The following DDX4 variants were observed in gnomAD, a reference collection of about 807,000 sequenced individuals.
DDX4 encodes the protein DEAD-box helicase 4.
Under a neutral mutation model 100.0 loss-of-function variants are expected in DDX4, and 25 were observed. That is an observed-to-expected ratio of 0.25 (90% CI 0.18 to 0.35). DDX4 has a LOEUF of 0.35. DDX4 is among the 10% of genes least tolerant of loss of function. The pLI, the probability that DDX4 is intolerant of heterozygous loss-of-function variation, is 1.00. For missense variants in DDX4, 635 were observed against 882.4 expected, an observed-to-expected ratio of 0.72 and a Z score of 3.55; for synonymous variants, 259 against 275.7, an observed-to-expected ratio of 0.94 and a Z score of 0.60.
intron 18 of DDX4, among the ~76,000 whole-genome samples, chr5:55,813,080 G>T (rs143012132): frequency 6.6e-6 from 1 of 151,848 alleles, no homozygotes; most frequent in Non-Finnish European, 1.5e-5. Context: ...AATTTCTACC[G>T]GTTAAATATT....
intron 3 of DDX4, among the ~76,000 whole-genome samples, chr5:55,750,991 A>G (rs1759517271): frequency 6.6e-6 from 1 of 152,116 alleles, no homozygotes; most frequent in Admixed American, 6.5e-5. Context: ...ATGTTCATTT[A>G]TGGGCCAGAG....
Position 55,786,561 on chromosome 5 carries a change from T to C in DDX4, c.908T>C (p.Ile303Thr), listed in dbSNP as rs756714199. 11 of 1,613,142 alleles carry C rather than the reference T, an allele frequency of 6.8e-6. No homozygotes were observed. The East Asian group carries it at 2.2e-4, about 33-fold the overall frequency. ...CTCTGTCAGACACTGAATAACAACA[T>C]TGCTAAAGCTGGTTATACTAAGCTT... is the stretch of plus-strand genomic sequence containing the variant. The part of the protein sequence containing the change: ...ANLCQTLNNN[I>T]AKAGYTKLTP... Residue 303 changes from isoleucine (I) to threonine (T), a missense_variant, in exon 14 of 22, where the codon ATT becomes ACT. Physicochemically the swap from Ile to Thr is moderately conservative, Grantham distance 89 (BLOSUM62 -1). Around this residue, in one of 4 missense-constraint regions of DDX4, gnomAD observed 446 missense variants for 540.8 expected, o/e 0.82. Transcript: ENST00000505374.
intron 21 of DDX4, 97 bp from the exon 22 acceptor site, chr5:55,816,366 T>A: frequency 6.7e-7 from 1 of 1,484,074 alleles, no homozygotes; most frequent in South Asian, 1.4e-5. Context: ...GTAGATACTT[T>A]GAGTCCTTGC....
At chr5:55,805,179 C>T (rs1277642012) in intron 18 of DDX4, among the ~76,000 whole-genome samples, 1 of 151,826 alleles carries the variant, frequency 6.6e-6, no homozygotes, top group Non-Finnish European at 1.5e-5. Context: ...ATTTTGTATC[C>T]TGAGACTTTG....
intron 3 of DDX4, among the ~76,000 whole-genome samples, chr5:55,755,863 T>G (rs1759896655): frequency 6.6e-6 from 1 of 152,144 alleles, no homozygotes; most frequent in Non-Finnish European, 1.5e-5. Context: ...AAAAACAGCA[T>G]TATTAACAGC....
chr5:55,812,816 T>C (rs1195989547), intron 18 of DDX4, among the ~76,000 whole-genome samples: 1 of 151,940 alleles, frequency 6.6e-6, no homozygotes, highest in Non-Finnish European at 1.5e-5. Flanking sequence ...TAGTACTAAA[T>C]GCGTAATATT....
chr5:55,752,166 TA>T (rs2111673947), intron 3 of DDX4, among the ~76,000 whole-genome samples: 1 of 152,170 alleles, frequency 6.6e-6, no homozygotes, highest in Non-Finnish European at 1.5e-5. Flanking sequence ...TTTATTTATT[TA>T]TTAATTTTTT....
chr5:55,786,624 C>T lies in DDX4; in HGVS notation c.971C>T (p.Ala324Val), dbSNP rs780759767. 9.9e-6 allele frequency: 16 copies of T among 1,613,196 alleles called. No homozygotes were observed. Among genetic ancestry groups the T allele is most frequent in the Non-Finnish European group, 1.4e-5 (16 of 1,179,242 alleles). ...AAATACAGTATTCCTATCATACTTG[C>T]AGGACGAGATTTGATGGCTTGCGCT... ...VQKYSIPIIL[A>V]GRDLMACAQT... is the part of the protein sequence containing the mutation. The change falls in exon 14 of 22, where the codon GCA becomes GTA. Residue 324 changes from alanine to valine, a missense_variant. This residue lies in a region of DDX4 where 446 missense variants were observed against 540.8 expected (regional missense o/e 0.82). Coordinates refer to ENST00000505374, the MANE Select transcript of DDX4 (RefSeq NM_024415.3).
At chr5:55,800,723 G>A (rs1364874050) in intron 18 of DDX4, among the ~76,000 whole-genome samples, 5 of 152,022 alleles carry the variant, frequency 3.3e-5, no homozygotes, top group South Asian at 4.2e-4. Context: ...CTTGAGAAAA[G>A]GTCAATGTAT....
chr5:55,794,440 T>G (rs1208343203), intron 17 of DDX4, among the ~76,000 whole-genome samples: 1 of 151,592 alleles, frequency 6.6e-6, no homozygotes, highest in Non-Finnish European at 1.5e-5. Context: ...CCTCAGGTGA[T>G]CTGCCCACCT....
chr5:55,757,627 A>G (rs1238726670), intron 3 of DDX4, among the ~76,000 whole-genome samples: 1 of 152,222 alleles, frequency 6.6e-6, no homozygotes, highest in East Asian at 1.9e-4. Flanking sequence ...ATTCCCAAGA[A>G]TAATTGTTAC....
intron 7 of DDX4, among the ~76,000 whole-genome samples, chr5:55,768,355 T>G (rs1206411657): frequency 1.3e-5 from 2 of 152,298 alleles, no homozygotes; most frequent in East Asian, 3.9e-4. Flanking sequence ...AGTGTTTAGC[T>G]CCCACTTATA....
At chr5:55,786,837 A>G (rs1180601481) in intron 14 of DDX4, among the ~76,000 whole-genome samples, 167 bp downstream of exon 14, 1 of 152,222 alleles carries the variant, frequency 6.6e-6, no homozygotes, top group Non-Finnish European at 1.5e-5. Context: ...TGTACTTCGG[A>G]AGAAAGAATT....
intron 3 of DDX4, chr5:55,750,466 T>G (rs1055043834): frequency 2.6e-5 from 4 of 153,324 alleles, no homozygotes; most frequent in East Asian, 3.8e-4. Context: ...GGGTCATCTT[T>G]ATGGGGGGGT....
chr5:55,809,874 C>G (rs574897062), intron 18 of DDX4, among the ~76,000 whole-genome samples: 1 of 152,322 alleles, frequency 6.6e-6, no homozygotes, highest in African/African-American at 2.4e-5. Context: ...CAACACTGTA[C>G]TATTGCATCA....
intron 5 of DDX4, 83 bp from the exon 6 acceptor site, chr5:55,763,931 G>A (rs1240820704): frequency 3.0e-5 from 27 of 901,976 alleles, no homozygotes; most frequent in South Asian, 2.2e-4. Context: ...TATCTTAGAA[G>A]GCATCATAAC....
chr5:55,777,236 A>T (rs77685554), intron 7 of DDX4, among the ~76,000 whole-genome samples: 3,292 of 152,322 alleles, frequency 0.022, 41 homozygotes, highest in South Asian at 0.036. Context: ...TAAAGAGAAA[A>T]CACAAAGATT....
At chr5:55,751,410 T>A (rs1759543239) in intron 3 of DDX4, among the ~76,000 whole-genome samples, 1 of 152,170 alleles carries the variant, frequency 6.6e-6, no homozygotes. Context: ...ATTTTTAAAA[T>A]TTTTAGCAGA....
intron 7 of DDX4, among the ~76,000 whole-genome samples, chr5:55,770,209 T>C (rs1741168549): frequency 6.6e-6 from 1 of 152,096 alleles, no homozygotes; most frequent in South Asian, 2.1e-4. Flanking sequence ...GTTGTGGTTT[T>C]TTTTTCCCCC....
Sources: allele counts gnomAD v4.1 joint callset (sites outside exome capture counted in the v4.1 genomes callset), GRCh38; gene constraint gnomAD v4.1.1; regional missense constraint gnomAD v4.1.1; transcripts MANE v1.5; gene names NCBI Gene and HGNC (gene_info 2026-07-23, HGNC 2026-07-21).